The following UPP2 variants were observed in gnomAD, a reference collection of about 807,000 sequenced individuals.
The protein encoded by UPP2 is uridine phosphorylase 2, also known as UPase 2.
Under a neutral mutation model 26.7 loss-of-function variants are expected in UPP2, and 23 were observed. The ratio of observed to expected loss-of-function variants is 0.86; its 90% CI spans 0.62 to 1.22. The LOEUF (loss-of-function observed/expected upper bound fraction) is 1.22. Ranked by LOEUF, UPP2 falls within the 50% of genes most tolerant of loss-of-function variation. The pLI is 0.00. For synonymous variants in UPP2, 127 were observed against 141.3 expected, an observed-to-expected ratio of 0.90 and a Z score of 0.72; for missense variants, 387 against 396.7, an observed-to-expected ratio of 0.98 and a Z score of 0.21.
At position 158,048,936 on chromosome 2, in the gene UPP2, G is replaced by A. The variant is rs1270659133; in HGVS notation, c.147+33050G>A. ...AAAGCAGAGCAGGCTTTTGAAAAAT[G>A]TGATGTGAGTCAATGTGTCTTGACC... On this transcript the variant is annotated intron_variant, in intron 3 of 9. Coordinates refer to the UPP2 transcript ENST00000605860. Among the ~76,000 whole-genome samples, 4 of 152,156 alleles carry A rather than the reference G, an allele frequency of 2.6e-5. No homozygotes were observed. In the East Asian group the frequency reaches 7.7e-4, roughly 29 times the overall value.
At chr2:158,067,394 G>A (rs957694004) in intron 3 of UPP2, among the ~76,000 whole-genome samples, 1 of 150,914 alleles carries the variant, frequency 6.6e-6, no homozygotes, top group Non-Finnish European at 1.5e-5. Context: ...AAGAGAGAGA[G>A]AGAAAAAGAA....
chr2:158,050,879 T>C (rs1682143791), intron 3 of UPP2, among the ~76,000 whole-genome samples: 1 of 152,156 alleles, frequency 6.6e-6, no homozygotes, highest in South Asian at 2.1e-4. Context: ...AGAGTGACTA[T>C]AGTCAATAAT....
chr2:158,092,136 G>T (rs1423931409), intron 3 of UPP2, among the ~76,000 whole-genome samples: 1 of 152,136 alleles, frequency 6.6e-6, no homozygotes, highest in African/African-American at 2.4e-5. Context: ...AGGACAAACT[G>T]AGGTGGCCTA....
chr2:158,116,542 A>C, intron 3 of UPP2, among the ~76,000 whole-genome samples: 1 of 152,196 alleles, frequency 6.6e-6, no homozygotes, highest in East Asian at 1.9e-4. Flanking sequence ...GGGGATTGAC[A>C]AATGTGATTC....
chr2:158,087,510 A>G (rs558044186), intron 3 of UPP2, among the ~76,000 whole-genome samples: 1 of 152,282 alleles, frequency 6.6e-6, no homozygotes, highest in East Asian at 1.9e-4. Flanking sequence ...GATGTGAGGT[A>G]CTATTCTATT....
intron 3 of UPP2, among the ~76,000 whole-genome samples, chr2:158,063,703 C>T (rs1682389579): frequency 6.6e-6 from 1 of 152,104 alleles, no homozygotes; most frequent in Admixed American, 6.6e-5. Context: ...ACCCATCAGC[C>T]CATAACCTAC....
At chr2:158,030,025 C>T (rs1435272582) in intron 3 of UPP2, among the ~76,000 whole-genome samples, 3 of 152,026 alleles carry the variant, frequency 2.0e-5, no homozygotes, top group East Asian at 1.9e-4. Context: ...GTTGTATTGT[C>T]AACTTATAGA....
rs571343076 is a variant in UPP2, at chr2:158,079,447, T to G, written c.148-22593T>G. On this transcript the variant is annotated intron_variant, in intron 3 of 9. Coordinates refer to the UPP2 transcript ENST00000605860. Reference sequence around the variant, plus strand: ...ATTGGAGAGCCTTGAGCTATTCACCTCCTGGAAGATCTGGGGCAAATGAAC... The same window carrying G: ...ATTGGAGAGCCTTGAGCTATTCACCGCCTGGAAGATCTGGGGCAAATGAAC... 2.6e-5 allele frequency among the ~76,000 whole-genome samples: 4 copies of G among 152,200 alleles called. No individual in the cohort carries two copies. The South Asian group carries it at 8.3e-4, about 32-fold the overall frequency.
intron 2 of UPP2, among the ~76,000 whole-genome samples, chr2:158,003,553 C>A (rs1431194250): frequency 6.6e-6 from 1 of 151,738 alleles, no homozygotes; most frequent in Non-Finnish European, 1.5e-5. Flanking sequence ...ACTAAAAATA[C>A]AAAAATTAGC....
chr2:158,058,596 A>T (rs928981705), intron 3 of UPP2, among the ~76,000 whole-genome samples: 3 of 152,062 alleles, frequency 2.0e-5, no homozygotes, highest in African/African-American at 4.8e-5. Flanking sequence ...AAGAAAATAA[A>T]ATTCTATTAT....
chr2:158,112,580 A>G (rs1462371566), intron 2 of UPP2, among the ~76,000 whole-genome samples: 1 of 152,152 alleles, frequency 6.6e-6, no homozygotes, highest in Non-Finnish European at 1.5e-5. Flanking sequence ...AACACAAGCA[A>G]TAAAATAAAA....
chr2:158,010,190 G>A (rs1278606840), intron 2 of UPP2, among the ~76,000 whole-genome samples: 7 of 152,096 alleles, frequency 4.6e-5, no homozygotes, highest in African/African-American at 1.2e-4. Flanking sequence ...AAGAAAACCC[G>A]GAAGAAAGAC....
intron 6 of UPP2, chr2:158,127,954 C>A (rs1683729267): frequency 1.0e-6 from 1 of 977,900 alleles, no homozygotes; most frequent in Admixed American, 6.2e-5. Flanking sequence ...ATATCTGTGT[C>A]TCTCTTAAAG....
rs746131929 is a variant in UPP2 at position 158,134,785 on chromosome 2, C to T, written c.849C>T (p.Asp283=). 6.2e-7 allele frequency: 1 copy of T among 1,613,546 alleles called. No homozygotes were observed. The highest frequency in any genetic ancestry group is 8.5e-7 in the Non-Finnish European group (1 of 1,179,696). ...VVCVTLLDRL[D]CDQINLPHDV... ...GTGTGACACTTCTCGACAGACTCGA[C>T]TGTGATCAGATCAACTTGCCTCATG... Residue 283 remains aspartate (D), a synonymous_variant, in exon 7 of 7, where the codon GAC becomes GAT. Coordinates refer to ENST00000005756, the MANE Select transcript of UPP2 (RefSeq NM_173355.4).
intron 3 of UPP2, among the ~76,000 whole-genome samples, chr2:158,071,400 T>C (rs2105187344): frequency 6.6e-6 from 1 of 151,404 alleles, no homozygotes; most frequent in Admixed American, 6.6e-5. Context: ...AAAATACAAA[T>C]ATTAGCTGGG....
chr2:158,026,973 A>T (rs1683842692), intron 3 of UPP2, among the ~76,000 whole-genome samples: 1 of 152,148 alleles, frequency 6.6e-6, no homozygotes, highest in Non-Finnish European at 1.5e-5. Flanking sequence ...AGTATGGGGG[A>T]AACTGCCCCC....
At chr2:158,023,238 G>GGGGT (rs1474140453) in intron 3 of UPP2, among the ~76,000 whole-genome samples, 5 of 139,362 alleles carry the variant, frequency 3.6e-5, no homozygotes, top group African/African-American at 5.1e-5. Flanking sequence ...GTTGGGGGGG[G>GGGGT]GCATTTGGAA....
intron 3 of UPP2, among the ~76,000 whole-genome samples, chr2:158,050,584 G>T (rs975289747): frequency 2.6e-5 from 4 of 152,074 alleles, no homozygotes; most frequent in African/African-American, 4.8e-5. Flanking sequence ...GATCCCTTGA[G>T]CCTGGAAGTT....
chr2:158,035,308 C>A (rs1306248194), intron 3 of UPP2, among the ~76,000 whole-genome samples: 1 of 152,054 alleles, frequency 6.6e-6, no homozygotes, highest in African/African-American at 2.4e-5. Context: ...AGGCATGCAC[C>A]ACCACGCCCA....
Sources: gnomAD v4.1 joint callset for allele counts (sites outside exome capture counted in the v4.1 genomes callset) on GRCh38, gnomAD v4.1.1 for gene constraint, MANE v1.5 for transcripts, NCBI Gene and HGNC (gene_info 2026-07-23, HGNC 2026-07-21) for gene names.